The following NSMCE2 variants were observed in gnomAD, a reference collection of about 807,000 sequenced individuals.
NSMCE2 encodes the protein NSE2 SUMO ligase component of SMC5/6 complex.
A neutral mutation model predicts 23.8 loss-of-function variants in NSMCE2; 24 were observed. The ratio of observed to expected loss-of-function variants is 1.01; its 90% CI spans 0.73 to 1.42. The LOEUF (loss-of-function observed/expected upper bound fraction) is 1.42, where lower values mean the gene tolerates loss of function less well. NSMCE2 is among the 40% of genes most tolerant of loss of function. The pLI is 0.00. For missense variants in NSMCE2, 284 were observed against 296.5 expected, an observed-to-expected ratio of 0.96 and a Z score of 0.31; for synonymous variants, 92 against 94.1, an observed-to-expected ratio of 0.98 and a Z score of 0.13.
At chr8:125,240,358 C>T (rs953790644) in intron 5 of NSMCE2, among the ~76,000 whole-genome samples, 24 of 152,220 alleles carry the variant, frequency 1.6e-4, no homozygotes, top group Non-Finnish European at 2.8e-4. Context: ...CTCCTGACCT[C>T]GTGATCAGCC....
chr8:125,192,757 T>G (rs1479785085), intron 5 of NSMCE2, among the ~76,000 whole-genome samples: 1 of 152,226 alleles, frequency 6.6e-6, no homozygotes, highest in Non-Finnish European at 1.5e-5. Context: ...ATGAATGGAT[T>G]CTACCCACTC....
chr8:125,182,246 AAAG>A lies in NSMCE2; in HGVS notation c.412_414del (p.Lys138del). 1 of 1,602,110 alleles carries A rather than the reference AAAG, an allele frequency of 6.2e-7. No individual in the cohort carries two copies. The highest frequency in any genetic ancestry group is 8.5e-7 in the Non-Finnish European group (1 of 1,176,056). On this transcript the variant is annotated inframe_deletion, in exon 5 of 8. Transcript: ENST00000287437. ...AGTTTAAACAACAGCTGAAAGAACT[AAAG>A]AAGCAATGTAAGTCAACATGCTTTG...
intron 5 of NSMCE2, among the ~76,000 whole-genome samples, chr8:125,236,419 ATG>A (rs1466903796): frequency 1.3e-5 from 2 of 151,688 alleles, no homozygotes; most frequent in Non-Finnish European, 2.9e-5. Context: ...GTAAATGAGT[ATG>A]TGTGTGTGTG....
intron 4 of NSMCE2, among the ~76,000 whole-genome samples, chr8:125,176,767 C>A (rs1271859556): frequency 6.6e-6 from 1 of 152,120 alleles, no homozygotes; most frequent in East Asian, 1.9e-4. Flanking sequence ...CATAAAGATC[C>A]CGATTTCTAA....
At chr8:125,149,344 G>A (rs1007036981) in intron 3 of NSMCE2, among the ~76,000 whole-genome samples, 1 of 152,068 alleles carries the variant, frequency 6.6e-6, no homozygotes, top group Non-Finnish European at 1.5e-5. Flanking sequence ...TGTTTTAAAA[G>A]CCAAATGTGA....
chr8:125,256,658 G>T (rs1826431180), intron 5 of NSMCE2, among the ~76,000 whole-genome samples: 1 of 152,134 alleles, frequency 6.6e-6, no homozygotes, highest in Non-Finnish European at 1.5e-5. Context: ...GGGTGCGGTG[G>T]CTCACGCCTG....
At chr8:125,203,049 T>C (rs781175320) in intron 5 of NSMCE2, among the ~76,000 whole-genome samples, 13 of 152,206 alleles carry the variant, frequency 8.5e-5, no homozygotes, top group Non-Finnish European at 1.5e-4. Flanking sequence ...GAATATTTGT[T>C]ATAAGCAAAT....
chr8:125,224,470 C>A (rs376923068), intron 5 of NSMCE2, among the ~76,000 whole-genome samples: 2 of 152,100 alleles, frequency 1.3e-5, no homozygotes, highest in East Asian at 3.8e-4. Flanking sequence ...ATTTTGAGTT[C>A]ATTTTTGCAT....
At chr8:125,114,714 A>AGT (rs1563658378) in intron 3 of NSMCE2, among the ~76,000 whole-genome samples, 2 of 152,324 alleles carry the variant, frequency 1.3e-5, no homozygotes, top group East Asian at 3.9e-4. Flanking sequence ...GTGCAGCCTA[A>AGT]GCTGTCATTA....
chr8:125,168,670 G>C (rs527940178), intron 4 of NSMCE2, among the ~76,000 whole-genome samples: 1 of 152,196 alleles, frequency 6.6e-6, no homozygotes, highest in Non-Finnish European at 1.5e-5. Flanking sequence ...CTTTGCCCTC[G>C]TGCTCTAATC....
At chr8:125,366,708 A>G in intron 7 of NSMCE2, 60 bp from the exon 8 acceptor site, 1 of 943,084 alleles carries the variant, frequency 1.1e-6, no homozygotes, top group South Asian at 1.4e-5. Context: ...CTTGAGTATA[A>G]AAGAAGTTTC....
intron 5 of NSMCE2, among the ~76,000 whole-genome samples, chr8:125,325,682 T>C (rs1563786162): frequency 6.6e-6 from 1 of 152,150 alleles, no homozygotes; most frequent in East Asian, 1.9e-4. Context: ...TTGGGTGCAG[T>C]GGCTCACACC....
intron 3 of NSMCE2, among the ~76,000 whole-genome samples, chr8:125,135,046 C>T (rs957541358): frequency 1.3e-5 from 2 of 151,882 alleles, no homozygotes; most frequent in African/African-American, 2.4e-5. Context: ...TAGCTGGGAC[C>T]ACAGATGCCA....
chr8:125,329,672 G>A (rs898811977), intron 5 of NSMCE2, among the ~76,000 whole-genome samples: 19 of 152,196 alleles, frequency 1.2e-4, no homozygotes, highest in Non-Finnish European at 2.2e-4. Context: ...ACAGTAGAGA[G>A]AGTGATAAGT....
intron 5 of NSMCE2, among the ~76,000 whole-genome samples, chr8:125,330,296 C>T (rs962923030): frequency 3.3e-5 from 5 of 151,738 alleles, no homozygotes; most frequent in African/African-American, 1.2e-4. Context: ...CTGCCTCAGC[C>T]TCCCAAGTAG....
chr8:125,299,643 A>G (rs1828472409), intron 5 of NSMCE2, among the ~76,000 whole-genome samples: 1 of 152,076 alleles, frequency 6.6e-6, no homozygotes, highest in African/African-American at 2.4e-5. Flanking sequence ...AACCATATTA[A>G]GCACCCCTAA....
intron 5 of NSMCE2, among the ~76,000 whole-genome samples, chr8:125,275,912 G>A (rs1277998628): frequency 6.6e-6 from 1 of 152,134 alleles, no homozygotes; most frequent in Non-Finnish European, 1.5e-5. Flanking sequence ...CAATAACTCT[G>A]TTATGTCTTT....
chr8:125,243,692 A>G (rs1273405645), intron 5 of NSMCE2, among the ~76,000 whole-genome samples: 2 of 152,206 alleles, frequency 1.3e-5, no homozygotes, highest in East Asian at 3.8e-4. Context: ...ATAAGCATCC[A>G]GATGTGTGAG....
At chr8:125,269,611 G>A (rs566124097) in intron 5 of NSMCE2, among the ~76,000 whole-genome samples, 1 of 152,300 alleles carries the variant, frequency 6.6e-6, no homozygotes, top group Middle Eastern at 3.4e-3. Context: ...AATGATCATA[G>A]CTTTCTACAA....
Sources: allele counts gnomAD v4.1 joint callset (sites outside exome capture counted in the v4.1 genomes callset), GRCh38; gene constraint gnomAD v4.1.1; transcripts MANE v1.5; gene names NCBI Gene and HGNC (gene_info 2026-07-23, HGNC 2026-07-21).